The following SPOPL variants were observed in gnomAD, a reference collection of about 807,000 sequenced individuals.
SPOPL encodes the protein speckle type BTB/POZ protein like, also known as speckle-type POZ protein-like.
A neutral mutation model predicts 53.8 loss-of-function variants in SPOPL; 23 were observed. The ratio of observed to expected loss-of-function variants is 0.43; its 90% CI spans 0.31 to 0.61. The LOEUF is 0.61. Among genes scored for constraint, SPOPL ranks in the 20% least tolerant of loss-of-function variants. The pLI, the probability that SPOPL is intolerant of heterozygous loss-of-function variation, is 0.12. For missense variants in SPOPL, 442 were observed against 466.9 expected (o/e 0.95, Z 0.49); for synonymous variants, 164 against 149.7 (o/e 1.10, Z -0.70).
chr2:138,520,411 C>T (rs1277726471), intron 1 of SPOPL, among the ~76,000 whole-genome samples: 1 of 152,150 alleles, frequency 6.6e-6, no homozygotes, highest in Non-Finnish European at 1.5e-5. Context: ...ATATACATAC[C>T]TGCGTACATA....
intron 1 of SPOPL, among the ~76,000 whole-genome samples, chr2:138,518,160 A>G (rs1684486045): frequency 6.6e-6 from 1 of 152,056 alleles, no homozygotes; most frequent in Admixed American, 6.5e-5. Context: ...AAAAAAAAGA[A>G]AGAAAACTTT....
In SPOPL at chr2:138,548,959, A is replaced by G. The variant is rs375926351; in HGVS notation, c.-60-1198A>G. On this transcript the variant is annotated intron_variant, in intron 1 of 10. Coordinates refer to ENST00000280098, the MANE Select transcript of SPOPL (RefSeq NM_001001664.3). ...GTTTCTACTCCCAAGTCTGTAGAAA[A>G]CAATAGTGGTCTGTCTTGGAGAATG... Among the ~76,000 whole-genome samples the G allele has an allele frequency of 2.8e-4, 43 of 152,296 alleles. 1 individual carries two copies. The South Asian group carries it at 8.9e-3, about 32-fold the overall frequency.
chr2:138,525,756 T>C (rs1178206583), intron 1 of SPOPL, among the ~76,000 whole-genome samples: 10 of 151,756 alleles, frequency 6.6e-5, no homozygotes, highest in South Asian at 2.1e-4. Flanking sequence ...GAGGATCTCT[T>C]GAGCCTGGGA....
intron 10 of SPOPL, among the ~76,000 whole-genome samples, chr2:138,565,802 C>T (rs1464670907): frequency 2.0e-5 from 3 of 149,360 alleles, no homozygotes; most frequent in South Asian, 2.1e-4. Context: ...GGTGTGATCT[C>T]GGCTCACTGC....
At chr2:138,540,598 C>T (rs1434672015) in intron 1 of SPOPL, among the ~76,000 whole-genome samples, 2 of 152,128 alleles carry the variant, frequency 1.3e-5, no homozygotes, top group African/African-American at 4.8e-5. Flanking sequence ...ATTTTGTATC[C>T]TGAGACTTTG....
At chr2:138,549,222 G>A (rs1244588197) in intron 1 of SPOPL, among the ~76,000 whole-genome samples, 6 of 152,038 alleles carry the variant, frequency 3.9e-5, no homozygotes, top group Non-Finnish European at 8.8e-5. Context: ...ATTATGTGGT[G>A]TATATATGTT....
At chr2:138,533,809 AT>A (rs1684870165) in intron 1 of SPOPL, among the ~76,000 whole-genome samples, 1 of 152,120 alleles carries the variant, frequency 6.6e-6, no homozygotes, top group African/African-American at 2.4e-5. Context: ...GTATTTCAAA[AT>A]TGTAATTTAC....
intron 7 of SPOPL, among the ~76,000 whole-genome samples, chr2:138,559,905 T>C (rs1013775467): frequency 2.0e-5 from 3 of 152,208 alleles, no homozygotes; most frequent in African/African-American, 7.2e-5. Context: ...AGTTTTTTCA[T>C]GTGGCTCAAT....
At chr2:138,545,044 G>A (rs1022313023) in intron 1 of SPOPL, among the ~76,000 whole-genome samples, 3 of 152,144 alleles carry the variant, frequency 2.0e-5, no homozygotes, top group Non-Finnish European at 4.4e-5. Flanking sequence ...TTCTCTAGGT[G>A]GCTATAACTA....
In SPOPL at chr2:138,564,831, G is replaced by A; in HGVS notation, c.961G>A (p.Ala321Thr). 6.2e-7 allele frequency: 1 copy of A among 1,614,160 alleles called. No individual in the cohort carries two copies. The highest frequency in any genetic ancestry group is 8.5e-7 in the Non-Finnish European group (1 of 1,180,002). The change falls in exon 9 of 11, where the codon GCC becomes ACC. Residue 321 changes from alanine (A) to threonine (T), a missense_variant. Ala to Thr is a moderately conservative substitution (Grantham distance 58). Coordinates refer to ENST00000280098, the MANE Select transcript of SPOPL (RefSeq NM_001001664.3). Reference sequence around the variant, plus strand: ...CAGTGCAGAACAGTTGAAAGCACAAGCCATAGACTTTATTAATAGGTAAGC... The same window carrying A: ...CAGTGCAGAACAGTTGAAAGCACAAACCATAGACTTTATTAATAGGTAAGC... The part of the protein sequence containing the change: ...LHSAEQLKAQ[A>T]IDFINRCSVL...
Position 138,551,004 on chromosome 2 carries a change from A to C in SPOPL, c.302A>C (p.Lys101Thr), listed in dbSNP as rs1685303735. The change falls in exon 4 of 11, where the codon AAA (lysine) becomes ACA (threonine). Residue 101 changes from lysine to threonine, a missense_variant. Physicochemically the swap from Lys to Thr is moderately conservative, Grantham distance 78. Coordinates refer to ENST00000280098, the MANE Select transcript of SPOPL (RefSeq NM_001001664.3). The part of the protein sequence containing the change: ...VSCPKSEVRA[K>T]FKFSLLNAKR... ...TGCCCCAAAAGTGAAGTTCGAGCAA[A>C]ATTCAAATTTTCCCTTCTGAATGCT... is the stretch of plus-strand genomic sequence containing the variant. 1 of 1,613,476 alleles carries C rather than the reference A, an allele frequency of 6.2e-7. No individual in the cohort carries two copies. Among genetic ancestry groups the C allele is most frequent in the Non-Finnish European group, 8.5e-7 (1 of 1,179,572 alleles).
At chr2:138,524,630 A>C (rs187681515) in intron 1 of SPOPL, among the ~76,000 whole-genome samples, 118 of 152,230 alleles carry the variant, frequency 7.8e-4, no homozygotes, top group Admixed American at 7.3e-3. Flanking sequence ...TCCACCAGAT[A>C]CCCTAAGTCA....
At chr2:138,521,535 C>T (rs1437053674) in intron 1 of SPOPL, among the ~76,000 whole-genome samples, 3 of 152,022 alleles carry the variant, frequency 2.0e-5, no homozygotes, top group Non-Finnish European at 4.4e-5. Flanking sequence ...CAGGGGTTCA[C>T]TCTTAGTTTA....
chr2:138,564,372 A>G (rs1309062040), intron 8 of SPOPL: 1 of 219,412 alleles, frequency 4.6e-6, no homozygotes, highest in African/African-American at 2.3e-5. Flanking sequence ...TGGTGGCAAC[A>G]TGCAGTATAC....
At chr2:138,539,989 T>G (rs890248748) in intron 1 of SPOPL, among the ~76,000 whole-genome samples, 1 of 152,226 alleles carries the variant, frequency 6.6e-6, no homozygotes, top group Admixed American at 6.5e-5. Context: ...CCAGCACCAT[T>G]TATTAAATAG....
intron 1 of SPOPL, among the ~76,000 whole-genome samples, chr2:138,505,071 C>A: frequency 6.7e-6 from 1 of 149,038 alleles, no homozygotes; most frequent in Admixed American, 6.6e-5. Context: ...CCTTTCACTT[C>A]CTTGTTGATT....
chr2:138,544,369 G>T (rs1019691187), intron 1 of SPOPL, among the ~76,000 whole-genome samples: 1 of 152,182 alleles, frequency 6.6e-6, no homozygotes, highest in Non-Finnish European at 1.5e-5. Context: ...CTTGAGCTGC[G>T]GTGGGCTCCA....
intron 1 of SPOPL, among the ~76,000 whole-genome samples, chr2:138,535,717 A>G (rs190030596): frequency 1.3e-5 from 2 of 151,742 alleles, no homozygotes; most frequent in African/African-American, 2.4e-5. Context: ...TTTTTTAGTT[A>G]TCTTTTTCTG....
At chr2:138,558,216 AG>A (rs1251106334) in intron 5 of SPOPL, among the ~76,000 whole-genome samples, 1 of 152,170 alleles carries the variant, frequency 6.6e-6, no homozygotes, top group Non-Finnish European at 1.5e-5. Context: ...AAGACTTAAT[AG>A]TGTTTTAGGA....
Sources: allele counts gnomAD v4.1 joint callset (sites outside exome capture counted in the v4.1 genomes callset), GRCh38; gene constraint gnomAD v4.1.1; transcripts MANE v1.5; gene names NCBI Gene and HGNC (gene_info 2026-07-23, HGNC 2026-07-21).